DPYSL5: variants seen among roughly 807,000 people sequenced by gnomAD.
The protein encoded by DPYSL5 is dihydropyrimidinase like 5.
Under a neutral mutation model 58.4 loss-of-function variants are expected in DPYSL5, and 9 were observed. That is an observed-to-expected ratio of 0.15 (90% CI 0.09 to 0.27). The LOEUF is 0.27. Among genes scored for constraint, DPYSL5 ranks in the 10% least tolerant of loss-of-function variants. DPYSL5 has a pLI of 1.00. For synonymous variants in DPYSL5, 293 were observed against 301.9 expected (o/e 0.97, Z 0.31); for missense variants, 499 against 770.6 (o/e 0.65, Z 4.17).
At chr2:26,874,272 G>T (rs1287044723) in intron 1 of DPYSL5, among the ~76,000 whole-genome samples, 4 of 151,944 alleles carry the variant, frequency 2.6e-5, no homozygotes, top group Non-Finnish European at 5.9e-5. Flanking sequence ...TTTAAATTTC[G>T]ATAAAAGTTT....
intron 5 of DPYSL5, among the ~76,000 whole-genome samples, chr2:26,929,021 A>T (rs1334816075): frequency 6.6e-6 from 1 of 152,014 alleles, no homozygotes; most frequent in African/African-American, 2.4e-5. Context: ...CCAGGTCATG[A>T]ACCGGTACAG....
chr2:26,873,328 C>T (rs1663319372), intron 1 of DPYSL5, among the ~76,000 whole-genome samples: 1 of 152,104 alleles, frequency 6.6e-6, no homozygotes, highest in Non-Finnish European at 1.5e-5. Context: ...TCTAGTCAAT[C>T]CCCCTTCCTC....
intron 6 of DPYSL5, among the ~76,000 whole-genome samples, chr2:26,932,434 C>T (rs1043566521): frequency 3.3e-5 from 5 of 152,340 alleles, no homozygotes; most frequent in African/African-American, 9.6e-5. Flanking sequence ...CTCAGTCCAG[C>T]TCCTAAACTC....
At chr2:26,923,988 T>A (rs1360945586) in intron 2 of DPYSL5, among the ~76,000 whole-genome samples, 2 of 152,232 alleles carry the variant, frequency 1.3e-5, no homozygotes, top group East Asian at 1.9e-4. Flanking sequence ...TTTTAAGTTT[T>A]GTTTGGGAAC....
chr2:26,854,776 C>T (rs1665837510), intron 1 of DPYSL5, among the ~76,000 whole-genome samples: 1 of 152,044 alleles, frequency 6.6e-6, no homozygotes. Context: ...CTACTGAGAC[C>T]TCTGGCTCCC....
At chr2:26,901,804 T>C (rs1664165906) in intron 2 of DPYSL5, among the ~76,000 whole-genome samples, 1 of 124,636 alleles carries the variant, frequency 8.0e-6, no homozygotes, top group African/African-American at 3.0e-5. Flanking sequence ...CGTCTGCTTG[T>C]TGATTTGGCA....
In DPYSL5 at chr2:26,933,351, G is replaced by T; in HGVS notation, c.790+18G>T. 1.2e-6 allele frequency: 2 copies of T among 1,611,902 alleles called. No homozygotes were observed. The highest frequency in any genetic ancestry group is 1.1e-5 in the South Asian group (1 of 91,020). ...GATGCAAGGTGAGTCCATAGACTTG[G>T]CTGGACAGAGCAGGTCAAGTGGAGG... On this transcript the variant is annotated intron_variant, in intron 7 of 12. Transcript: ENST00000288699. This position sits in a 1 kb window ranked among gnomAD's most constrained non-coding sequence, Gnocchi z 4.2.
intron 1 of DPYSL5, among the ~76,000 whole-genome samples, chr2:26,852,050 T>C (rs946229444): frequency 6.6e-6 from 1 of 152,212 alleles, no homozygotes; most frequent in Non-Finnish European, 1.5e-5. Flanking sequence ...CCAGTCTATC[T>C]TCCTGGTGTG....
intron 3 of DPYSL5, among the ~76,000 whole-genome samples, chr2:26,926,258 C>G (rs1288913320): frequency 6.6e-6 from 1 of 152,126 alleles, no homozygotes. Context: ...GCCAGAGGTG[C>G]AGATCACGCT....
intron 2 of DPYSL5, among the ~76,000 whole-genome samples, chr2:26,912,082 G>GC (rs1230243658): frequency 1.3e-5 from 2 of 152,224 alleles, no homozygotes; most frequent in Non-Finnish European, 2.9e-5. Flanking sequence ...CAATCGGGAT[G>GC]CCCCTGAGCT....
Position 26,942,987 on chromosome 2 carries a change from A to C in DPYSL5, c.1440+237A>C, listed in dbSNP as rs1665365459. ...GTGGCATTTTAAGTGGTCAGGCAGC[A>C]GGGCTCCTGAGTTGCTGAGGGCACA... is the stretch of plus-strand genomic sequence containing the variant. On this transcript the variant is annotated intron_variant, in intron 11 of 12. Coordinates refer to ENST00000288699, the MANE Select transcript of DPYSL5 (RefSeq NM_020134.4). The surrounding 1 kb of genome is among the most constrained non-coding windows in gnomAD (Gnocchi z 5.9). Among the ~76,000 whole-genome samples, 1 of 152,196 alleles carries C rather than the reference A, an allele frequency of 6.6e-6. No individual in the cohort carries two copies. The highest frequency in any genetic ancestry group is 2.4e-5 in the African/African-American group (1 of 41,440).
chr2:26,884,242 G>A (rs779702854), intron 1 of DPYSL5, among the ~76,000 whole-genome samples: 13 of 152,134 alleles, frequency 8.5e-5, no homozygotes, highest in Admixed American at 3.3e-4. Flanking sequence ...AGCCCCAATC[G>A]GGAGTCAGGA....
intron 1 of DPYSL5, among the ~76,000 whole-genome samples, chr2:26,896,421 C>G (rs1664021919): frequency 1.3e-5 from 2 of 152,164 alleles, no homozygotes; most frequent in South Asian, 4.1e-4. Context: ...ATTGCTGGAC[C>G]ATATAGTAGT....
rs1269553160 is a variant in DPYSL5, at chr2:26,877,736, C to CAT, written c.-4-20751_-4-20750dup. ...GTGGGAAAACTGCAGTTAATAGTTT[C>CAT]ATATATATATGAAATCTCACTCATA... On this transcript the variant is annotated intron_variant, in intron 1 of 12. Coordinates refer to ENST00000288699, the MANE Select transcript of DPYSL5 (RefSeq NM_020134.4). The surrounding 1 kb of genome is among the most constrained non-coding windows in gnomAD (Gnocchi z 4.1). 1.3e-5 allele frequency among the ~76,000 whole-genome samples: 2 copies of CAT among 152,108 alleles called. No homozygotes were observed. Among genetic ancestry groups the CAT allele is most frequent in the Non-Finnish European group, 2.9e-5 (2 of 68,022 alleles).
chr2:26,948,844 G>A lies in DPYSL5; in HGVS notation c.*1849G>A, dbSNP rs998486896. 6.6e-6 allele frequency: 1 copy of A among 152,606 alleles called. No homozygotes were observed. The highest frequency in any genetic ancestry group is 1.5e-5 in the Non-Finnish European group (1 of 68,410). 9.5% of individuals were successfully genotyped at this position (152,606 alleles called of 1,614,324 possible). ...TGCACTTCAGCCTGGACGACAGAGT[G>A]AGACTCCATCTCAAAAAACAGACAA... On this transcript the variant is annotated 3_prime_UTR_variant, in exon 13 of 13. Transcript: ENST00000288699.
intron 2 of DPYSL5, among the ~76,000 whole-genome samples, chr2:26,914,403 G>A (rs913335477): frequency 6.6e-6 from 1 of 152,214 alleles, no homozygotes; most frequent in South Asian, 2.1e-4. Flanking sequence ...TGCAGACCTC[G>A]GAACCATCTT....
Position 26,877,370 on chromosome 2 carries a change from A to G in DPYSL5, c.-4-21126A>G, listed in dbSNP as rs559663703. On this transcript the variant is annotated intron_variant, in intron 1 of 12. Coordinates refer to ENST00000288699, the MANE Select transcript of DPYSL5 (RefSeq NM_020134.4). This position sits in a 1 kb window ranked among gnomAD's most constrained non-coding sequence, Gnocchi z 4.1. ...ATTTAGAACAGAAGGTATTCCATGA[A>G]TAACATCAAAACAATGTGGACACTA... Among the ~76,000 whole-genome samples, 2 of 152,332 alleles carry G rather than the reference A, an allele frequency of 1.3e-5. No homozygotes were observed. The highest frequency in any genetic ancestry group is 1.3e-4 in the Admixed American group (2 of 15,308).
intron 12 of DPYSL5, among the ~76,000 whole-genome samples, chr2:26,946,590 A>G (rs1313658350): frequency 6.6e-6 from 1 of 152,218 alleles, no homozygotes; most frequent in Non-Finnish European, 1.5e-5. Context: ...ATGTGCCAAC[A>G]GGCTGGCCAA....
At position 26,942,844 on chromosome 2, in the gene DPYSL5, C is replaced by T; in HGVS notation, c.1440+94C>T. On this transcript the variant is annotated intron_variant, in intron 11 of 12. Transcript: ENST00000288699. This position sits in a 1 kb window ranked among gnomAD's most constrained non-coding sequence, Gnocchi z 5.9. ...TTAAATCTCAAAGAGATGTTCACTC[C>T]AGTTTTCGACCCAATTCCATTGCAC... 4 of 1,398,460 alleles carry T rather than the reference C, an allele frequency of 2.9e-6. No homozygotes were observed. The highest frequency in any genetic ancestry group is 3.9e-6 in the Non-Finnish European group (4 of 1,013,832). 86.6% of individuals were successfully genotyped at this position (1,398,460 alleles called of 1,614,324 possible). A position where few individuals can be genotyped will look rare whatever the true frequency, so the allele number is the denominator to read the frequency against.
Sources: gnomAD v4.1 joint callset for allele counts (sites outside exome capture counted in the v4.1 genomes callset) on GRCh38, gnomAD v4.1.1 for gene constraint, Gnocchi (gnomAD v3.1) non-coding constraint, MANE v1.5 for transcripts, NCBI Gene and HGNC (gene_info 2026-07-23, HGNC 2026-07-21) for gene names.